The following KIF21A variants were observed in gnomAD, a reference collection of about 807,000 sequenced individuals.
KIF21A encodes the protein kinesin family member 21A.
KIF21A carries 114 observed loss-of-function variants against 202.9 expected under a neutral mutation model. That is an observed-to-expected ratio of 0.56 (90% confidence interval 0.48 to 0.66). KIF21A has a LOEUF of 0.66. KIF21A is among the 30% of genes least tolerant of loss of function. The pLI is 0.00. For synonymous variants in KIF21A, 667 were observed against 670.8 expected (o/e 0.99, Z 0.09); for missense variants, 1,677 against 1,994.9 (o/e 0.84, Z 3.04).
At chr12:39,340,515 T>C (rs2138372235) in intron 15 of KIF21A, 151 bp from the exon 16 acceptor site, 1 of 641,182 alleles carries the variant, frequency 1.6e-6, no homozygotes. Flanking sequence ...CTCTCTTTTA[T>C]TATCTACTCT....
At chr12:39,303,404 T>A (rs1252910904) in intron 35 of KIF21A, among the ~76,000 whole-genome samples, 1 of 152,200 alleles carries the variant, frequency 6.6e-6, no homozygotes, top group Non-Finnish European at 1.5e-5. Flanking sequence ...GCTCAAGCGA[T>A]CCTCTTACCT....
intron 1 of KIF21A, among the ~76,000 whole-genome samples, chr12:39,416,526 G>A (rs1953606284): frequency 6.6e-6 from 1 of 151,046 alleles, no homozygotes; most frequent in Non-Finnish European, 1.5e-5. Context: ...AACCCGGGAG[G>A]TGGAGGTTGC....
chr12:39,304,986 T>A (rs1943312704), intron 34 of KIF21A, 48 bp from the exon 35 acceptor site: 1 of 872,088 alleles, frequency 1.1e-6, no homozygotes, highest in South Asian at 1.4e-5. Flanking sequence ...TTTCTTAGTA[T>A]GATGGGACTA....
At chr12:39,300,086 G>A (rs1942824360) in intron 37 of KIF21A, among the ~76,000 whole-genome samples, 1 of 151,880 alleles carries the variant, frequency 6.6e-6, no homozygotes, top group African/African-American at 2.4e-5. Flanking sequence ...ACCAGCACAT[G>A]TACCCCTGAA....
chr12:39,419,685 T>C (rs551850903), intron 1 of KIF21A, among the ~76,000 whole-genome samples: 3 of 152,282 alleles, frequency 2.0e-5, no homozygotes, highest in African/African-American at 7.2e-5. Flanking sequence ...CTTCAGGCTA[T>C]ATAAGATAAG....
intron 7 of KIF21A, 30 bp from the exon 8 acceptor site, chr12:39,358,403 CA>C: frequency 6.4e-7 from 1 of 1,565,742 alleles, no homozygotes; most frequent in Non-Finnish European, 8.8e-7. Context: ...GTTAGGCTTA[CA>C]CATAAAAGCA....
At chr12:39,305,631 T>C (rs1943399336) in intron 34 of KIF21A, among the ~76,000 whole-genome samples, 1 of 152,124 alleles carries the variant, frequency 6.6e-6, no homozygotes, top group African/African-American at 2.4e-5. Context: ...GAGTCATAAA[T>C]AAGTTATTCC....
intron 1 of KIF21A, among the ~76,000 whole-genome samples, chr12:39,436,359 T>A (rs551877935): frequency 6.8e-6 from 1 of 147,940 alleles, no homozygotes; most frequent in East Asian, 2.0e-4. Context: ...AACCAATTAA[T>A]CCTTTCAAGA....
chr12:39,402,311 A>G (rs2139874429), intron 1 of KIF21A, among the ~76,000 whole-genome samples: 1 of 152,342 alleles, frequency 6.6e-6, no homozygotes, highest in South Asian at 2.1e-4. Flanking sequence ...CTAGAAAGAA[A>G]GGCAAGGAGA....
At chr12:39,308,937 C>G (rs1312754122) in intron 33 of KIF21A, among the ~76,000 whole-genome samples, 3 of 152,156 alleles carry the variant, frequency 2.0e-5, no homozygotes, top group African/African-American at 7.2e-5. Flanking sequence ...ATGCTCCCTT[C>G]TCTCATTTAA....
chr12:39,334,435 A>G (rs1386063495), intron 17 of KIF21A, among the ~76,000 whole-genome samples: 1 of 152,142 alleles, frequency 6.6e-6, no homozygotes, highest in Non-Finnish European at 1.5e-5. Flanking sequence ...ATGTTTATGT[A>G]TATTTCTGTC....
At chr12:39,413,624 G>C (rs1953294596) in intron 1 of KIF21A, among the ~76,000 whole-genome samples, 1 of 152,062 alleles carries the variant, frequency 6.6e-6, no homozygotes, top group African/African-American at 2.4e-5. Flanking sequence ...ACATATCATA[G>C]AATACAAAAA....
chr12:39,414,548 T>G (rs1953380466), intron 1 of KIF21A, among the ~76,000 whole-genome samples: 1 of 152,196 alleles, frequency 6.6e-6, no homozygotes, highest in African/African-American at 2.4e-5. Context: ...CACTAGCTGT[T>G]GACAATTAGG....
intron 30 of KIF21A, 39 bp downstream of exon 30, chr12:39,315,893 T>C (rs749368395): frequency 6.5e-7 from 1 of 1,529,560 alleles, no homozygotes; most frequent in South Asian, 1.1e-5. Flanking sequence ...AGAACATCAA[T>C]GAAATTCCAG....
At chr12:39,331,038 C>A in intron 22 of KIF21A, 127 bp from the exon 23 acceptor site, 2 of 882,398 alleles carry the variant, frequency 2.3e-6, no homozygotes, top group Non-Finnish European at 3.7e-6. Context: ...GTCATCCCAG[C>A]TCCTCCAGTA....
At chr12:39,298,586 C>G (rs1942647535) in intron 37 of KIF21A, among the ~76,000 whole-genome samples, 2 of 152,200 alleles carry the variant, frequency 1.3e-5, no homozygotes, top group African/African-American at 4.8e-5. Context: ...CTAGACCTAC[C>G]TAACAAAGGT....
intron 31 of KIF21A, chr12:39,312,583 T>C (rs896114642): frequency 6.6e-6 from 1 of 152,034 alleles, no homozygotes; most frequent in African/African-American, 2.4e-5. Flanking sequence ...TTCTCCATGA[T>C]ATGATTATTG....
At chr12:39,361,601 G>A (rs1435117654) in intron 7 of KIF21A, among the ~76,000 whole-genome samples, 1 of 56,196 alleles carries the variant, frequency 1.8e-5, no homozygotes, top group South Asian at 7.7e-4. Flanking sequence ...CGCCTCCTGG[G>A]TTCACGCCAT....
At chr12:39,440,214 C>G (rs1939370237) in intron 1 of KIF21A, among the ~76,000 whole-genome samples, 1 of 152,250 alleles carries the variant, frequency 6.6e-6, no homozygotes, top group African/African-American at 2.4e-5. Flanking sequence ...TGTAAATGAA[C>G]TAATACAAAA....
Sources: gnomAD v4.1 joint callset for allele counts (sites outside exome capture counted in the v4.1 genomes callset) on GRCh38, gnomAD v4.1.1 for gene constraint, MANE v1.5 for transcripts, NCBI Gene and HGNC (gene_info 2026-07-23, HGNC 2026-07-21) for gene names.